The following HDAC9 variants were observed in gnomAD, a reference collection of about 807,000 sequenced individuals.
The protein encoded by HDAC9 is histone deacetylase 9.
HDAC9 carries 41 observed loss-of-function variants against 139.4 expected under a neutral mutation model. That is an observed-to-expected ratio of 0.29 (90% CI 0.23 to 0.38). HDAC9 has a LOEUF of 0.38. Among genes scored for constraint, HDAC9 ranks in the 10% least tolerant of loss-of-function variants. HDAC9 has a pLI of 1.00. For missense variants in HDAC9, 1,147 were observed against 1,297.0 expected, an observed-to-expected ratio of 0.88 and a Z score of 1.78; for synonymous variants, 517 against 476.2, an observed-to-expected ratio of 1.09 and a Z score of -1.12.
intron 16 of HDAC9, among the ~76,000 whole-genome samples, chr7:18,776,470 T>C (rs1208497129): frequency 6.6e-6 from 1 of 152,118 alleles, no homozygotes; most frequent in Non-Finnish European, 1.5e-5. Context: ...TGAATGCCTA[T>C]TGTATGCCTG....
At chr7:18,567,464 A>G (rs1822750751) in intron 2 of HDAC9, among the ~76,000 whole-genome samples, 1 of 152,198 alleles carries the variant, frequency 6.6e-6, no homozygotes, top group African/African-American at 2.4e-5. Context: ...GCATTTTTTT[A>G]AAAGCTTGAA....
intron 23 of HDAC9, among the ~76,000 whole-genome samples, chr7:18,941,652 G>C (rs1461906193): frequency 2.0e-5 from 3 of 152,110 alleles, no homozygotes; most frequent in Admixed American, 6.5e-5. Context: ...AGGAGGAACT[G>C]AATACAGGGA....
intron 1 of HDAC9, 105 bp from the exon 2 acceptor site, chr7:18,496,157 T>A: frequency 7.0e-7 from 1 of 1,427,984 alleles, no homozygotes; most frequent in Non-Finnish European, 9.7e-7. Flanking sequence ...GGGTAGCTCC[T>A]GGGGCCGGTG....
chr7:18,118,951 C>G (rs888489335), intron 1 of HDAC9, among the ~76,000 whole-genome samples: 1 of 152,104 alleles, frequency 6.6e-6, no homozygotes, highest in Admixed American at 6.6e-5. Context: ...CATGAGTACC[C>G]CATTTTTGTC....
intron 1 of HDAC9, among the ~76,000 whole-genome samples, chr7:18,415,393 T>G (rs895194558): frequency 2.6e-5 from 4 of 152,238 alleles, no homozygotes; most frequent in African/African-American, 9.6e-5. Flanking sequence ...TACCTCTTCC[T>G]TCTTTAGAGG....
chr7:18,242,061 T>G (rs929466046), intron 2 of HDAC9, among the ~76,000 whole-genome samples: 30 of 152,164 alleles, frequency 2.0e-4, no homozygotes, highest in African/African-American at 7.0e-4. Flanking sequence ...TGTGTCAGAT[T>G]TTCCTGGATC....
chr7:18,707,816 T>G (rs1362135037), intron 12 of HDAC9, among the ~76,000 whole-genome samples: 3 of 151,910 alleles, frequency 2.0e-5, no homozygotes, highest in Non-Finnish European at 4.4e-5. Flanking sequence ...AGAGAAAGTT[T>G]TGGCAGTAAC....
At chr7:18,945,776 T>C (rs547696552) in intron 23 of HDAC9, among the ~76,000 whole-genome samples, 100 of 151,836 alleles carry the variant, frequency 6.6e-4, no homozygotes, top group South Asian at 2.5e-3. Flanking sequence ...CAGTGGCTCA[T>C]GCCTGTAATC....
At chr7:18,307,951 T>G (rs1013294184) in intron 1 of HDAC9, among the ~76,000 whole-genome samples, 2 of 152,236 alleles carry the variant, frequency 1.3e-5, no homozygotes, top group Admixed American at 6.5e-5. Flanking sequence ...CCAATGGTTC[T>G]CCATCTGACT....
chr7:18,837,341 A>G (rs931669302), intron 21 of HDAC9, among the ~76,000 whole-genome samples: 2 of 152,050 alleles, frequency 1.3e-5, no homozygotes, highest in African/African-American at 4.8e-5. Flanking sequence ...TATGTTAAAA[A>G]ACAGAAGTTT....
At chr7:18,586,948 A>T (rs1829648196) in intron 3 of HDAC9, among the ~76,000 whole-genome samples, 2 of 152,076 alleles carry the variant, frequency 1.3e-5, no homozygotes, top group Non-Finnish European at 2.9e-5. Flanking sequence ...TGATATCTAG[A>T]TCTGTTTCTT....
intron 2 of HDAC9, among the ~76,000 whole-genome samples, chr7:18,252,973 C>T (rs1054535752): frequency 1.3e-5 from 2 of 152,198 alleles, no homozygotes; most frequent in African/African-American, 4.8e-5. Context: ...GTGTTCTCCT[C>T]ATTTAGCTCC....
intron 13 of HDAC9, among the ~76,000 whole-genome samples, chr7:18,732,967 GTATA>G (rs1231726265): frequency 7.5e-6 from 1 of 132,496 alleles, no homozygotes; most frequent in African/African-American, 3.0e-5. Context: ...GTGTGTATGT[GTATA>G]TACACATGTG....
chr7:18,682,808 C>A (rs1410029082), intron 12 of HDAC9, among the ~76,000 whole-genome samples: 3 of 147,344 alleles, frequency 2.0e-5, no homozygotes, highest in Non-Finnish European at 4.4e-5. Context: ...CGTGGTGAAA[C>A]CCTGTCTAAT....
rs1028547037 is a variant in HDAC9 at position 18,921,520 on chromosome 7, G to A, written c.2804-14289G>A. Reference sequence around the variant, plus strand: ...CATCAGAGAAATGCAAATCAAAACCGCAATGAGATACCATCTCACACCAGT... The same window carrying A: ...CATCAGAGAAATGCAAATCAAAACCACAATGAGATACCATCTCACACCAGT... On this transcript the variant is annotated intron_variant, in intron 22 of 25. Coordinates refer to ENST00000686413, the MANE Select transcript of HDAC9 (RefSeq NM_178425.4). Among the ~76,000 whole-genome samples the A allele has an allele frequency of 9.7e-4, 148 of 152,084 alleles. 1 individual carries two copies. Among genetic ancestry groups the A allele is most frequent in the Non-Finnish European group, 1.6e-3 (107 of 67,964 alleles).
At chr7:18,101,767 G>T (rs1782877190) in intron 1 of HDAC9, among the ~76,000 whole-genome samples, 4 of 152,156 alleles carry the variant, frequency 2.6e-5, no homozygotes, top group Non-Finnish European at 5.9e-5. Flanking sequence ...AGGCAAGCTG[G>T]TCATAAAATA....
At chr7:18,433,909 GA>G (rs888211410) in intron 1 of HDAC9, among the ~76,000 whole-genome samples, 11 of 151,972 alleles carry the variant, frequency 7.2e-5, no homozygotes, top group South Asian at 2.1e-4. Context: ...CAAAATTGGG[GA>G]AAAAAAATCC....
chr7:18,178,360 C>T (rs35071190), intron 2 of HDAC9, among the ~76,000 whole-genome samples: 27,674 of 152,288 alleles, frequency 0.18, 2,772 homozygotes, highest in South Asian at 0.32. Context: ...GCTGGGATGA[C>T]AGGCGTGAGC....
At position 18,864,902 on chromosome 7, in the gene HDAC9, A is replaced by G. The variant is rs79253080; in HGVS notation, c.2685-9576A>G. On this transcript the variant is annotated intron_variant, in intron 21 of 25. Coordinates refer to ENST00000686413, the MANE Select transcript of HDAC9 (RefSeq NM_178425.4). ...AAATGGTTAAATACTTAAAATGGTT[A>G]AAGTAGTACATTTTATTTAATGTAC... 4.7e-3 allele frequency among the ~76,000 whole-genome samples: 722 copies of G among 152,326 alleles called. 6 individuals are homozygous for G. The highest frequency in any genetic ancestry group is 0.016 in the African/African-American group (683 of 41,568).
Sources: gnomAD v4.1 joint callset for allele counts (sites outside exome capture counted in the v4.1 genomes callset) on GRCh38, gnomAD v4.1.1 for gene constraint, MANE v1.5 for transcripts, NCBI Gene and HGNC (gene_info 2026-07-23, HGNC 2026-07-21) for gene names.